PDE6A: variants seen among roughly 807,000 people sequenced by gnomAD.
PDE6A encodes the protein phosphodiesterase 6A.
Under a neutral mutation model 106.3 loss-of-function variants are expected in PDE6A, and 84 were observed. The observed-to-expected ratio is 0.79, with a 90% confidence interval of 0.66 to 0.95. PDE6A has a LOEUF of 0.95. PDE6A is among the 40% of genes least tolerant of loss of function. The probability of loss-of-function intolerance (pLI) is 0.00; values close to 1 mark genes in which losing one functional copy is unlikely to be tolerated. For synonymous variants in PDE6A, 394 were observed against 386.6 expected, an observed-to-expected ratio of 1.02 and a Z score of -0.23; for missense variants, 1,052 against 1,084.9, an observed-to-expected ratio of 0.97 and a Z score of 0.43.
At chr5:149,896,830 C>T (rs183846407) in intron 10 of PDE6A, 54 bp from the exon 11 acceptor site, 179 of 1,578,422 alleles carry the variant, frequency 1.1e-4, no homozygotes, top group Admixed American at 1.8e-4. Flanking sequence ...CATGCCTCCG[C>T]GTTTCCATTC....
At chr5:149,934,132 T>C (rs1754120720) in intron 2 of PDE6A, 113 bp from the exon 3 acceptor site, 3 of 718,050 alleles carry the variant, frequency 4.2e-6, no homozygotes, top group Non-Finnish European at 7.6e-6. Context: ...AGAGACAATT[T>C]GGGCAGATGG....
chr5:149,920,990 GAAAGAA>G (rs1229557448), intron 5 of PDE6A, among the ~76,000 whole-genome samples: 15 of 109,786 alleles, frequency 1.4e-4, no homozygotes, highest in African/African-American at 9.5e-4. Context: ...AAGAAAGAAA[GAAAGAA>G]AAAGAAAGAA....
chr5:149,886,594 G>A (rs1186432505), intron 13 of PDE6A, among the ~76,000 whole-genome samples: 1 of 152,156 alleles, frequency 6.6e-6, no homozygotes, highest in African/African-American at 2.4e-5. Flanking sequence ...CCAGGTAAAT[G>A]GGAACAACTG....
intron 17 of PDE6A, among the ~76,000 whole-genome samples, chr5:149,880,794 G>A (rs1360848257): frequency 6.6e-6 from 1 of 151,994 alleles, no homozygotes; most frequent in Non-Finnish European, 1.5e-5. Context: ...TTATTAAAAA[G>A]TCAAAAGAAG....
At chr5:149,920,974 G>GAAAGAAAGAAAGAA (rs1753696580) in intron 5 of PDE6A, among the ~76,000 whole-genome samples, 2 of 131,050 alleles carry the variant, frequency 1.5e-5, no homozygotes, top group South Asian at 4.6e-4. Flanking sequence ...AAGAAAGAAA[G>GAAAGAAAGAAAGAA]AAAGAAAGAA....
At chr5:149,895,321 A>T (rs771924630) in intron 12 of PDE6A, 31 bp from the exon 13 acceptor site, 1 of 1,421,680 alleles carries the variant, frequency 7.0e-7, no homozygotes, top group South Asian at 1.1e-5. Context: ...GTGAGGCAGG[A>T]CACACCTGAA....
At chr5:149,942,019 T>C (rs1262007586) in intron 1 of PDE6A, among the ~76,000 whole-genome samples, 1 of 152,152 alleles carries the variant, frequency 6.6e-6, no homozygotes, top group Non-Finnish European at 1.5e-5. Flanking sequence ...TGGAGTGCAA[T>C]GGCGCAATCA....
At chr5:149,900,846 C>A (rs1752951319) in intron 8 of PDE6A, among the ~76,000 whole-genome samples, 1 of 152,044 alleles carries the variant, frequency 6.6e-6, no homozygotes, top group African/African-American at 2.4e-5. Context: ...GATAAAAAGA[C>A]AGATTTTATT....
chr5:149,941,053 T>C (rs1202942463), intron 1 of PDE6A, among the ~76,000 whole-genome samples: 2 of 152,164 alleles, frequency 1.3e-5, no homozygotes, highest in Admixed American at 1.3e-4. Context: ...TTGGCCAGTG[T>C]AGGAGTGAAT....
intron 17 of PDE6A, among the ~76,000 whole-genome samples, chr5:149,875,144 G>T (rs2113527493): frequency 6.6e-6 from 1 of 152,230 alleles, no homozygotes; most frequent in South Asian, 2.1e-4. Flanking sequence ...TGGCTTTATA[G>T]CAAACAGCTG....
chr5:149,920,106 T>C (rs529507807), intron 5 of PDE6A, among the ~76,000 whole-genome samples: 2 of 152,146 alleles, frequency 1.3e-5, no homozygotes, highest in South Asian at 4.2e-4. Flanking sequence ...GGCAGGAGGA[T>C]CACTTGAGGC....
intron 1 of PDE6A, among the ~76,000 whole-genome samples, chr5:149,940,339 G>A (rs11948274): frequency 1.3e-5 from 2 of 152,016 alleles, no homozygotes; most frequent in South Asian, 2.1e-4. Flanking sequence ...TGAGTCCTCC[G>A]GAAAGTCTCC....
Position 149,903,652 on chromosome 5 carries a change from A to G in PDE6A, c.1109T>C (p.Phe370Ser). The G allele has an allele frequency of 1.9e-6, 3 of 1,613,096 alleles. No individual in the cohort carries two copies. ...MNAPAEDFFA[F>S]QKEPLDESGW... ...TGCAAATAAAAAATGACTTACCTGA[A>G]ATGCAAAAAAGTCCTCCGCAGGCGC... is the stretch of plus-strand genomic sequence containing the variant. The change falls in exon 8 of 22, where the codon TTT (phenylalanine) becomes TCT (serine). Residue 370 changes from phenylalanine to serine, a missense_variant. This residue lies in a region of PDE6A where 913 missense variants were observed against 915.2 expected (regional missense o/e 1.00). Coordinates refer to ENST00000255266, the MANE Select transcript of PDE6A (RefSeq NM_000440.3).
At chr5:149,923,675 G>T (rs1469175688) in intron 4 of PDE6A, among the ~76,000 whole-genome samples, 1 of 152,148 alleles carries the variant, frequency 6.6e-6, no homozygotes, top group African/African-American at 2.4e-5. Flanking sequence ...CCTCAGGAGA[G>T]GCCAACTGAG....
chr5:149,940,705 C>T (rs904600495), intron 1 of PDE6A, among the ~76,000 whole-genome samples: 3 of 151,990 alleles, frequency 2.0e-5, no homozygotes, highest in Non-Finnish European at 2.9e-5. Context: ...ACCATGTTGG[C>T]CAGGCTGGTT....
chr5:149,889,081 C>CACAAAAAAAAAAAAAAAAAA (rs1752440889), intron 13 of PDE6A, among the ~76,000 whole-genome samples: 1 of 61,594 alleles, frequency 1.6e-5, no homozygotes, highest in Non-Finnish European at 3.0e-5. Context: ...GACTCTGTCT[C>CACAAAAAAAAAAAAAAAAAA]AAAAAAAAAA....
At chr5:149,868,301 C>T (rs1004625921) in intron 17 of PDE6A, 143 bp from the exon 18 acceptor site, 2 of 789,398 alleles carry the variant, frequency 2.5e-6, no homozygotes, top group Non-Finnish European at 2.1e-6. Flanking sequence ...CCCATTGCAT[C>T]CAGGGGTTGG....
chr5:149,934,266 GTTGA>G (rs1226569623), intron 2 of PDE6A, among the ~76,000 whole-genome samples: 1 of 152,194 alleles, frequency 6.6e-6, no homozygotes, highest in Non-Finnish European at 1.5e-5. Flanking sequence ...TCCCTATGAG[GTTGA>G]TACTGAAAAA....
intron 4 of PDE6A, among the ~76,000 whole-genome samples, chr5:149,926,474 T>C (rs1753866119): frequency 6.6e-6 from 1 of 152,060 alleles, no homozygotes; most frequent in Non-Finnish European, 1.5e-5. Context: ...ACACTAAACA[T>C]AAAAAAGTTC....
Sources: allele counts gnomAD v4.1 joint callset (sites outside exome capture counted in the v4.1 genomes callset), GRCh38; gene constraint gnomAD v4.1.1; regional missense constraint gnomAD v4.1.1; transcripts MANE v1.5; gene names NCBI Gene and HGNC (gene_info 2026-07-23, HGNC 2026-07-21).